The following GRIK4 variants were observed in gnomAD, a reference collection of about 807,000 sequenced individuals.
GRIK4 encodes the protein glutamate ionotropic receptor kainate type subunit 4, also known as glutamate receptor ionotropic, kainate 4.
A neutral mutation model predicts 104.9 loss-of-function variants in GRIK4; 40 were observed. That is an observed-to-expected ratio of 0.38 (90% confidence interval 0.30 to 0.50). GRIK4 has a LOEUF of 0.50. Among genes scored for constraint, GRIK4 ranks in the 20% least tolerant of loss-of-function variants. The probability of loss-of-function intolerance (pLI) is 0.93; values close to 1 mark genes in which losing one functional copy is unlikely to be tolerated. For synonymous variants in GRIK4, 485 were observed against 524.9 expected, an observed-to-expected ratio of 0.92 and a Z score of 1.04; for missense variants, 1,047 against 1,308.1, an observed-to-expected ratio of 0.80 and a Z score of 3.08.
At chr11:120,962,822 AGT>A (rs1591338143) in intron 18 of GRIK4, 141 bp downstream of exon 18, 8 of 460,956 alleles carry the variant, frequency 1.7e-5, no homozygotes, top group Non-Finnish European at 2.6e-5. Context: ...GGCATTCTAA[AGT>A]TTTTTTTTTT....
intron 13 of GRIK4, among the ~76,000 whole-genome samples, chr11:120,913,667 C>T (rs1448857864): frequency 2.6e-5 from 4 of 151,700 alleles, no homozygotes; most frequent in African/African-American, 9.7e-5. Context: ...AAGCCTTGGA[C>T]ATCAAATAGC....
chr11:120,718,657 A>G (rs1158767203), intron 3 of GRIK4, among the ~76,000 whole-genome samples: 1 of 152,240 alleles, frequency 6.6e-6, no homozygotes, highest in Admixed American at 6.5e-5. Flanking sequence ...GAAGCTGAGC[A>G]AGGCACTTTC....
intron 1 of GRIK4, among the ~76,000 whole-genome samples, chr11:120,630,786 A>T (rs1410706941): frequency 6.6e-6 from 1 of 152,204 alleles, no homozygotes; most frequent in Non-Finnish European, 1.5e-5. Context: ...GATGTGTTGG[A>T]AAGTTCGCTA....
chr11:120,943,914 A>G (rs975159419), intron 14 of GRIK4, among the ~76,000 whole-genome samples: 2 of 152,226 alleles, frequency 1.3e-5, no homozygotes, highest in African/African-American at 4.8e-5. Flanking sequence ...CAGCGATCCA[A>G]GATTATCTAG....
chr11:120,527,525 G>A (rs1243217445), intron 1 of GRIK4, among the ~76,000 whole-genome samples: 1 of 152,178 alleles, frequency 6.6e-6, no homozygotes. Context: ...GCCCGTGCTG[G>A]GGATTTATCT....
At chr11:120,603,860 G>T (rs964041532) in intron 1 of GRIK4, among the ~76,000 whole-genome samples, 1 of 152,094 alleles carries the variant, frequency 6.6e-6, no homozygotes, top group Non-Finnish European at 1.5e-5. Context: ...GCATAGGGCA[G>T]CCCTGCCACA....
chr11:120,516,855 C>T (rs578179338), intron 1 of GRIK4, among the ~76,000 whole-genome samples: 202 of 152,144 alleles, frequency 1.3e-3, no homozygotes, highest in Non-Finnish European at 2.0e-3. Context: ...GCTGACAGTG[C>T]GTGCCTGGAT....
intron 1 of GRIK4, among the ~76,000 whole-genome samples, chr11:120,597,950 T>C (rs1425430426): frequency 2.0e-5 from 3 of 152,152 alleles, no homozygotes; most frequent in Non-Finnish European, 4.4e-5. Flanking sequence ...TTTCTGCATT[T>C]TACTTAGAGA....
At chr11:120,753,815 T>C (rs2135428477) in intron 3 of GRIK4, among the ~76,000 whole-genome samples, 1 of 152,358 alleles carries the variant, frequency 6.6e-6, no homozygotes, top group East Asian at 1.9e-4. Context: ...ACATAACATA[T>C]AATGCACCCA....
intron 13 of GRIK4, among the ~76,000 whole-genome samples, chr11:120,914,948 A>T (rs1360604498): frequency 1.3e-5 from 2 of 152,120 alleles, no homozygotes; most frequent in Non-Finnish European, 2.9e-5. Context: ...GATGCCCAAG[A>T]GAGGATTATG....
At chr11:120,547,733 C>T (rs1301022584) in intron 1 of GRIK4, among the ~76,000 whole-genome samples, 8 of 152,122 alleles carry the variant, frequency 5.3e-5, no homozygotes, top group Non-Finnish European at 8.8e-5. Context: ...AAGACAGCAA[C>T]TGCCTAGTGT....
intron 3 of GRIK4, among the ~76,000 whole-genome samples, chr11:120,697,864 G>T (rs900628587): frequency 6.6e-6 from 1 of 152,162 alleles, no homozygotes; most frequent in Admixed American, 6.5e-5. Context: ...AGCTAGAGTG[G>T]CCTCGATGGA....
rs545502789 is a variant in GRIK4, at chr11:120,921,574, C to T, written c.1476+16081C>T. Among the ~76,000 whole-genome samples the T allele has an allele frequency of 1.2e-3, 175 of 149,724 alleles. 1 individual carries two copies. The highest frequency in any genetic ancestry group is 3.8e-3 in the African/African-American group (157 of 41,446). ...CAGGAGGTGGCTGCCCTCCCGCTTG[C>T]GCGCACTTCCTGTGATCCCTGCCTC... On this transcript the variant is annotated intron_variant, in intron 13 of 20. Transcript: ENST00000527524.
chr11:120,924,452 G>A (rs1250702583), intron 13 of GRIK4, among the ~76,000 whole-genome samples: 5 of 152,068 alleles, frequency 3.3e-5, no homozygotes. Flanking sequence ...TAGACATATA[G>A]AAAAGTGCAC....
At chr11:120,542,770 A>G (rs1057242800) in intron 1 of GRIK4, among the ~76,000 whole-genome samples, 1 of 152,266 alleles carries the variant, frequency 6.6e-6, no homozygotes, top group African/African-American at 2.4e-5. Flanking sequence ...AAGAGTTAGG[A>G]TGGCCATAAT....
intron 3 of GRIK4, among the ~76,000 whole-genome samples, chr11:120,685,803 A>T (rs909508548): frequency 8.6e-5 from 13 of 152,002 alleles, no homozygotes; most frequent in African/African-American, 3.1e-4. Context: ...TCCTTCTCTT[A>T]TTGCTAACAA....
chr11:120,956,035 A>T lies in GRIK4; in HGVS notation c.1701-745A>T, dbSNP rs1183457394. 6.6e-6 allele frequency among the ~76,000 whole-genome samples: 1 copy of T among 151,966 alleles called. No individual in the cohort carries two copies. The highest frequency in any genetic ancestry group is 1.5e-5 in the Non-Finnish European group (1 of 67,972). On this transcript the variant is annotated intron_variant, in intron 15 of 20. Transcript: ENST00000527524. The surrounding 1 kb of genome is among the most constrained non-coding windows in gnomAD (Gnocchi z 4.6). ...TCAGCACACCGGCTTGGTGGTTCTG[A>T]GGTAGGCTAAGGCTGGAGGGCCACT...
At chr11:120,798,915 G>A (rs909256708) in intron 3 of GRIK4, among the ~76,000 whole-genome samples, 3 of 152,140 alleles carry the variant, frequency 2.0e-5, no homozygotes, top group African/African-American at 7.2e-5. Context: ...GAATTTGGTG[G>A]GACCTGCTGA....
At chr11:120,764,754 T>C (rs956601215) in intron 3 of GRIK4, among the ~76,000 whole-genome samples, 1 of 152,226 alleles carries the variant, frequency 6.6e-6, no homozygotes, top group Non-Finnish European at 1.5e-5. Context: ...GATTGAAAAT[T>C]CTTTTCTTTA....
Sources: gnomAD v4.1 joint callset for allele counts (sites outside exome capture counted in the v4.1 genomes callset) on GRCh38, gnomAD v4.1.1 for gene constraint, Gnocchi (gnomAD v3.1) non-coding constraint, MANE v1.5 for transcripts, NCBI Gene and HGNC (gene_info 2026-07-23, HGNC 2026-07-21) for gene names.